The following EP300 variants were observed in gnomAD, a reference collection of about 807,000 sequenced individuals.
EP300 encodes the protein EP300 lysine acetyltransferase, also known as histone acetyltransferase p300.
A neutral mutation model predicts 264.0 loss-of-function variants in EP300; 31 were observed. The observed-to-expected ratio is 0.12, with a 90% confidence interval of 0.09 to 0.16. The LOEUF is 0.16. Among genes scored for constraint, EP300 ranks in the 10% least tolerant of loss-of-function variants. The pLI, the probability that EP300 is intolerant of heterozygous loss-of-function variation, is 1.00. For synonymous variants in EP300, 1,340 were observed against 1,045.4 expected (o/e 1.28, Z -5.44); for missense variants, 2,766 against 3,052.9 (o/e 0.91, Z 2.21).
chr22:41,167,635 T>TATATATATATATAA (rs1753359484), intron 23 of EP300, among the ~76,000 whole-genome samples: 1 of 108,050 alleles, frequency 9.3e-6, no homozygotes, highest in African/African-American at 4.0e-5. Flanking sequence ...TATATATATA[T>TATATATATATATAA]AATGTTTGGT....
intron 1 of EP300, among the ~76,000 whole-genome samples, chr22:41,109,441 T>C (rs2058776605): frequency 6.6e-6 from 1 of 152,094 alleles, no homozygotes; most frequent in Non-Finnish European, 1.5e-5. Flanking sequence ...CTGAGGTTGT[T>C]GAGATGAATG....
At chr22:41,106,700 C>T (rs1462341006) in intron 1 of EP300, among the ~76,000 whole-genome samples, 2 of 152,140 alleles carry the variant, frequency 1.3e-5, no homozygotes, top group Admixed American at 6.5e-5. Context: ...ACGGCAGCCT[C>T]GACCTCCTGG....
chr22:41,152,059 A>G (rs777610185), intron 15 of EP300, 47 bp downstream of exon 15: 4 of 1,609,112 alleles, frequency 2.5e-6, no homozygotes, highest in Non-Finnish European at 3.4e-6. Context: ...ACCTCAGTAT[A>G]GGAACCCAAG....
At chr22:41,095,160 G>C (rs1352011399) in intron 1 of EP300, among the ~76,000 whole-genome samples, 5 of 151,890 alleles carry the variant, frequency 3.3e-5, no homozygotes, top group Non-Finnish European at 5.9e-5. Flanking sequence ...TCTGGGTTTG[G>C]GGGAGGGGAG....
At position 41,135,898 on chromosome 22, in the gene EP300, T is replaced by C; in HGVS notation, c.1614T>C (p.Asn538=). 1 of 1,613,280 alleles carries C rather than the reference T, an allele frequency of 6.2e-7. No individual in the cohort carries two copies. Residue 538 remains asparagine (N), a synonymous_variant, in exon 7 of 31, where the codon AAT becomes AAC. Transcript: ENST00000263253. The part of the protein sequence containing the change: ...LSDSMLHSAI[N]SQNPMMSENA... Reference sequence around the variant, plus strand: ...ACTCAATGTTGCATTCAGCCATAAATTCTCAAAAGTAAGTCTTAACGTGAT... The same window carrying C: ...ACTCAATGTTGCATTCAGCCATAAACTCTCAAAAGTAAGTCTTAACGTGAT...
intron 1 of EP300, among the ~76,000 whole-genome samples, chr22:41,102,052 T>G (rs982379193): frequency 1.4e-5 from 2 of 147,732 alleles, no homozygotes; most frequent in Non-Finnish European, 3.0e-5. Context: ...TTTTTAGTAC[T>G]GGTTGCAGCC....
At chr22:41,122,446 G>C (rs898210608) in intron 2 of EP300, among the ~76,000 whole-genome samples, 9 of 152,098 alleles carry the variant, frequency 5.9e-5, no homozygotes, top group African/African-American at 2.2e-4. Flanking sequence ...GATTACAGGC[G>C]TGAGCCACCG....
chr22:41,173,360 C>G (rs1158028828), intron 28 of EP300, among the ~76,000 whole-genome samples: 1 of 152,206 alleles, frequency 6.6e-6, no homozygotes, highest in Non-Finnish European at 1.5e-5. Flanking sequence ...GGGATACATT[C>G]AATCAATCTA....
intron 18 of EP300, among the ~76,000 whole-genome samples, chr22:41,157,622 A>G (rs1188778379): frequency 6.7e-6 from 1 of 150,122 alleles, no homozygotes; most frequent in Non-Finnish European, 1.5e-5. Context: ...GGCTCAAGCA[A>G]TTCTCCCACC....
intron 6 of EP300, among the ~76,000 whole-genome samples, chr22:41,134,031 C>T (rs985253543): frequency 5.3e-5 from 8 of 152,170 alleles, no homozygotes; most frequent in African/African-American, 1.9e-4. Context: ...TTTGCAGTCA[C>T]TGGCATGACT....
intron 8 of EP300, among the ~76,000 whole-genome samples, chr22:41,138,564 A>G (rs975761148): frequency 2.6e-5 from 4 of 152,096 alleles, no homozygotes; most frequent in Non-Finnish European, 5.9e-5. Flanking sequence ...AAGTTGATAT[A>G]TTTCAGGCAC....
rs200186236 is a variant in EP300, at chr22:41,178,961, A to C, written c.*5A>C. ...AGTACACTAGACATACACTAGAGAC[A>C]CCTTGTAGTATTTTGGGAGCAAAAA... On this transcript the variant is annotated 3_prime_UTR_variant, in exon 31 of 31. Coordinates refer to ENST00000263253, the MANE Select transcript of EP300 (RefSeq NM_001429.4). 17 of 1,601,756 alleles carry C rather than the reference A, an allele frequency of 1.1e-5. No homozygotes were observed. The highest frequency in any genetic ancestry group is 3.3e-4 in the Middle Eastern group (2 of 6,040).
Position 41,149,961 on chromosome 22 carries a change from A to G in EP300, c.2580A>G (p.Pro860=), listed in dbSNP as rs752536439. 1.2e-6 allele frequency: 2 copies of G among 1,612,758 alleles called. No individual in the cohort carries two copies. The highest frequency in any genetic ancestry group is 4.5e-5 in the East Asian group (2 of 44,818). ...AGCAGCCACCAGCAACAACAATTCC[A>G]GCCCCTGTTCCTACACCTCCTGCCA... The part of the protein sequence containing the change: ...GAQQPPATTI[P]APVPTPPAMP... The change falls in exon 14 of 31, where the codon CCA becomes CCG. Residue 860 remains proline (P), a synonymous_variant. Coordinates refer to ENST00000263253, the MANE Select transcript of EP300 (RefSeq NM_001429.4).
chr22:41,117,253 G>C lies in EP300; in HGVS notation c.161G>C (p.Gly54Ala). Reference protein sequence around the residue: ...PDELINSTELGLTNGGDINQL... With the variant: ...PDELINSTELALTNGGDINQL... ...GAATTAATCAACTCTACAGAATTGG[G>C]ACTAACCAATGGTGGTGATATTAAT... Residue 54 changes from glycine (G) to alanine (A), a missense_variant, in exon 2 of 31, where the codon GGA becomes GCA. Coordinates refer to ENST00000263253, the MANE Select transcript of EP300 (RefSeq NM_001429.4). 6.2e-7 allele frequency: 1 copy of C among 1,614,136 alleles called. No individual in the cohort carries two copies. Among genetic ancestry groups the C allele is most frequent in the African/African-American group, 1.3e-5 (1 of 75,016 alleles).
At chr22:41,098,340 G>C (rs2058713207) in intron 1 of EP300, among the ~76,000 whole-genome samples, 1 of 152,162 alleles carries the variant, frequency 6.6e-6, no homozygotes, top group African/African-American at 2.4e-5. Context: ...TTTAGATCTA[G>C]ATTCTTTTTT....
intron 14 of EP300, 116 bp downstream of exon 14, chr22:41,150,314 G>A (rs2059036835): frequency 1.6e-6 from 2 of 1,257,230 alleles, no homozygotes; most frequent in Admixed American, 2.0e-5. Context: ...TCCACAAGTA[G>A]AATGTAATCT....
chr22:41,178,278 G>A lies in EP300; in HGVS notation c.6567G>A (p.Met2189Ile), dbSNP rs1569122143. 1.9e-6 allele frequency: 3 copies of A among 1,613,578 alleles called. No homozygotes were observed. The highest frequency in any genetic ancestry group is 1.1e-5 in the South Asian group (1 of 91,054). Residue 2189 changes from methionine to isoleucine, a missense_variant, in exon 31 of 31, where the codon ATG becomes ATA. By Grantham distance (10) the Met-to-Ile change is conservative (BLOSUM62 1). Coordinates refer to ENST00000263253, the MANE Select transcript of EP300 (RefSeq NM_001429.4). ...FRDILRRQQM[M>I]QQQQQQGAGP... ...ACATCTTGAGACGACAGCAAATGAT[G>A]CAACAGCAGCAGCAACAGGGAGCAG...
chr22:41,125,112 C>CTTTTTTTTTTT (rs930135062), intron 2 of EP300, among the ~76,000 whole-genome samples: 6 of 80,342 alleles, frequency 7.5e-5, no homozygotes, highest in Admixed American at 1.9e-4. Context: ...CTTTTCTTTC[C>CTTTTTTTTTTT]TTTTTTTTTT....
rs1396379293 is a variant in EP300, at chr22:41,158,333, T to C, written c.3502-79T>C. The C allele has an allele frequency of 3.6e-6, 4 of 1,104,302 alleles. No homozygotes were observed. In the African/African-American group the frequency reaches 4.6e-5, roughly 13 times the overall value. The allele number at this position is 1,104,302 out of a possible 1,614,324, so 68.4% of individuals were successfully genotyped here. ...TGAGAACTAAGACACCACTGACTTCTGTTTCTGACTTGCCATTCTTACTGT... is the reference window on the plus strand; with the variant it reads ...TGAGAACTAAGACACCACTGACTTCCGTTTCTGACTTGCCATTCTTACTGT... On this transcript the variant is annotated intron_variant, in intron 18 of 30. Coordinates refer to ENST00000263253, the MANE Select transcript of EP300 (RefSeq NM_001429.4).
Sources: allele counts gnomAD v4.1 joint callset (sites outside exome capture counted in the v4.1 genomes callset), GRCh38; gene constraint gnomAD v4.1.1; transcripts MANE v1.5; gene names NCBI Gene and HGNC (gene_info 2026-07-23, HGNC 2026-07-21).